COL9A3: variants seen among roughly 807,000 people sequenced by gnomAD.
COL9A3 encodes collagen alpha-3(IX) chain.
Under a neutral mutation model 110.2 loss-of-function variants are expected in COL9A3, and 82 were observed. The ratio of observed to expected loss-of-function variants is 0.74; its 90% CI spans 0.62 to 0.89. COL9A3 has a LOEUF of 0.89. Among genes scored for constraint, COL9A3 ranks in the 40% least tolerant of loss-of-function variants. The pLI, the probability that COL9A3 is intolerant of heterozygous loss-of-function variation, is 0.00. For synonymous variants in COL9A3, 494 were observed against 403.8 expected, an observed-to-expected ratio of 1.22 and a Z score of -2.68; for missense variants, 1,066 against 981.3, an observed-to-expected ratio of 1.09 and a Z score of -1.15.
In COL9A3 at chr20:62,834,442, G is replaced by GT. The variant is rs1406392420; in HGVS notation, c.1368+1379dup. ...TCTGGAGGTAACAAATGGAGCAGTC[G>GT]TGAGTCCGAGGGAAGGACGGCCTTT... On this transcript the variant is annotated intron_variant, in intron 26 of 31. Coordinates refer to ENST00000649368, the MANE Select transcript of COL9A3 (RefSeq NM_001853.4). Among the ~76,000 whole-genome samples the GT allele has an allele frequency of 1.1e-4, 16 of 148,322 alleles. No individual in the cohort carries two copies. In the East Asian group the frequency reaches 2.9e-3, roughly 27 times the overall value.
At chr20:62,817,255 C>T in intron 1 of COL9A3, 113 bp downstream of exon 1, 1 of 785,366 alleles carries the variant, frequency 1.3e-6, no homozygotes, top group Middle Eastern at 4.5e-4. Context: ...CCCGTGTCGC[C>T]GTCGGGGCGC....
rs749870241 is a variant in COL9A3 at position 62,829,636 on chromosome 20, T to G, written c.1062T>G (p.Ala354=). 3.7e-6 allele frequency: 6 copies of G among 1,609,776 alleles called. No individual in the cohort carries two copies. In the South Asian group the frequency reaches 6.6e-5, roughly 18 times the overall value. ...CTCTCCTTCCTCTACAGGGCAGAGCTGGGGAGCTGGGTGAGGCCGGCCCCT... is the reference window on the plus strand; with the variant it reads ...CTCTCCTTCCTCTACAGGGCAGAGCGGGGGAGCTGGGTGAGGCCGGCCCCT... The part of the protein sequence containing the change: ...SKGEKGERGR[A]GELGEAGPSG... The change falls in exon 21 of 32, where the codon GCT becomes GCG. Residue 354 remains alanine, a synonymous_variant. Transcript: ENST00000649368.
At chr20:62,821,923 C>T in intron 8 of COL9A3, 113 bp downstream of exon 8, 1 of 772,490 alleles carries the variant, frequency 1.3e-6, no homozygotes, top group East Asian at 2.7e-5. Context: ...CCCCCAACCC[C>T]ACCTTGGTGG....
At chr20:62,838,852 G>A (rs2063654287) in intron 31 of COL9A3, 91 bp downstream of exon 31, 1 of 1,039,244 alleles carries the variant, frequency 9.6e-7, no homozygotes. Context: ...TTATGAATGG[G>A]TCTCTTTTCC....
intron 2 of COL9A3, 42 bp from the exon 3 acceptor site, chr20:62,818,476 C>A: frequency 6.3e-7 from 1 of 1,590,976 alleles, no homozygotes; most frequent in South Asian, 1.1e-5. Context: ...TCTTGAGGGA[C>A]CCCTGATTTT....
Position 62,840,573 on chromosome 20 carries a change from C to G in COL9A3, c.1896C>G (p.Asp632Glu). 1 of 1,612,606 alleles carries G rather than the reference C, an allele frequency of 6.2e-7. No homozygotes were observed. Among genetic ancestry groups the G allele is most frequent in the Non-Finnish European group, 8.5e-7 (1 of 1,179,856 alleles). The change falls in exon 32 of 32, where the codon GAC becomes GAG. Residue 632 changes from aspartate (D) to glutamate (E), a missense_variant. Coordinates refer to ENST00000649368, the MANE Select transcript of COL9A3 (RefSeq NM_001853.4). ...AAGGCGTGCCCGGCACCAGCAAGGACGGCCAGGACGGTGCTCCCGGCGAGC... is the reference window on the plus strand; with the variant it reads ...AAGGCGTGCCCGGCACCAGCAAGGAGGGCCAGGACGGTGCTCCCGGCGAGC... Reference protein sequence around the residue: ...GPQGVPGTSKDGQDGAPGEPG... With the variant: ...GPQGVPGTSKEGQDGAPGEPG...
chr20:62,816,990 A>C (rs1568745497), upstream of COL9A3: 6 of 849,088 alleles, frequency 7.1e-6, no homozygotes, highest in East Asian at 4.7e-5. Flanking sequence ...GGGAAGGGGA[A>C]GGGGCCGCCC....
At position 62,825,886 on chromosome 20, in the gene COL9A3, G is replaced by C. The variant is rs758057247; in HGVS notation, c.684+16G>C. The C allele has an allele frequency of 1.1e-5, 17 of 1,557,560 alleles. No individual in the cohort carries two copies. The highest frequency in any genetic ancestry group is 1.4e-5 in the Non-Finnish European group (16 of 1,150,540). The stretch of plus-strand genomic sequence containing the variant: ...GGGGCTGCAGGTGAGGCTAGGAAGG[G>C]GTAAGGATGGTGGGATGGGAACTCA... On this transcript the variant is annotated intron_variant, in intron 13 of 31. Transcript: ENST00000649368.
intron 12 of COL9A3, among the ~76,000 whole-genome samples, chr20:62,825,262 A>T (rs1786106112): frequency 6.6e-6 from 1 of 152,232 alleles, no homozygotes; most frequent in South Asian, 2.1e-4. Context: ...TCTTCCAGAC[A>T]GGGCCTGGCT....
chr20:62,816,912 C>G (rs577050099), upstream of COL9A3: 1 of 321,106 alleles, frequency 3.1e-6, no homozygotes, highest in East Asian at 5.9e-5. Context: ...CGGCGCGGGG[C>G]GGGTGGAAGC....
In COL9A3 at chr20:62,840,403, G is replaced by T. The variant is rs1329640990; in HGVS notation, c.1865-139G>T. 21 of 839,130 alleles carry T rather than the reference G, an allele frequency of 2.5e-5. No homozygotes were observed. In the South Asian group the frequency reaches 2.7e-4, roughly 11 times the overall value. 52.0% of individuals were successfully genotyped at this position (839,130 alleles called of 1,614,324 possible). A position where few individuals can be genotyped will look rare whatever the true frequency, so the allele number is the denominator to read the frequency against. Reference sequence around the variant, plus strand: ...GAGAGCCTTTGTGTGCCGTTCCCTCGGCCTCCCCACCCGCTGTGGCCTCTC... The same window carrying T: ...GAGAGCCTTTGTGTGCCGTTCCCTCTGCCTCCCCACCCGCTGTGGCCTCTC... On this transcript the variant is annotated intron_variant, in intron 31 of 31. Coordinates refer to ENST00000649368, the MANE Select transcript of COL9A3 (RefSeq NM_001853.4).
intron 3 of COL9A3, among the ~76,000 whole-genome samples, chr20:62,818,872 T>C (rs1883850): frequency 0.46 from 70,338 of 152,130 alleles, 17,924 homozygotes; most frequent in East Asian, 0.69. Flanking sequence ...CCTTCTTCAG[T>C]TCCAGGGGTT....
At chr20:62,837,288 C>T (rs147169537) in intron 30 of COL9A3, 23 bp downstream of exon 30, 17,548 of 1,604,068 alleles carry the variant, frequency 0.011, 132 homozygotes, top group Non-Finnish European at 0.014. Context: ...CCCCATGACA[C>T]GGTCACCCTG....
Position 62,829,644 on chromosome 20 carries a change from T to G in COL9A3, c.1070T>G (p.Leu357Arg). Reference protein sequence around the residue: ...EKGERGRAGELGEAGPSGEPG... With the variant: ...EKGERGRAGERGEAGPSGEPG... ...CCTCTACAGGGCAGAGCTGGGGAGC[T>G]GGGTGAGGCCGGCCCCTCTGGAGAG... The change falls in exon 21 of 32, where the codon CTG becomes CGG. Residue 357 changes from leucine (L) to arginine (R), a missense_variant. Coordinates refer to ENST00000649368, the MANE Select transcript of COL9A3 (RefSeq NM_001853.4). 2 of 1,609,918 alleles carry G rather than the reference T, an allele frequency of 1.2e-6. No homozygotes were observed. The highest frequency in any genetic ancestry group is 1.7e-6 in the Non-Finnish European group (2 of 1,178,918).
At chr20:62,835,895 C>G (rs2063630896) in intron 26 of COL9A3, 26 bp from the exon 27 acceptor site, 1 of 1,614,128 alleles carries the variant, frequency 6.2e-7, no homozygotes, top group Non-Finnish European at 8.5e-7. Context: ...ACACTTAGTT[C>G]AAACACACAA....
In COL9A3 at chr20:62,837,853, A is replaced by G. The variant is rs61607712; in HGVS notation, c.1786+588A>G. Among the ~76,000 whole-genome samples, 24 of 152,268 alleles carry G rather than the reference A, an allele frequency of 1.6e-4. 1 individual carries two copies. In the East Asian group the frequency reaches 4.6e-3, roughly 29 times the overall value. On this transcript the variant is annotated intron_variant, in intron 30 of 31. Transcript: ENST00000649368. ...GAGGAATGGCCGGGTGCGGTGGCTC[A>G]TGCCTGTAATCCCAGCACGTTGGGA... is the stretch of plus-strand genomic sequence containing the variant.
At chr20:62,829,879 C>A (rs1237116406) in intron 22 of COL9A3, 60 bp downstream of exon 22, 1 of 1,526,844 alleles carries the variant, frequency 6.5e-7, no homozygotes, top group Non-Finnish European at 8.8e-7. Flanking sequence ...GCACATGGCC[C>A]CAGTTTCTGA....
intron 14 of COL9A3, 57 bp downstream of exon 14, chr20:62,826,314 G>T: frequency 6.8e-7 from 1 of 1,477,782 alleles, no homozygotes; most frequent in Non-Finnish European, 9.2e-7. Context: ...CTGGTTGTCT[G>T]CACCTCCAGA....
Position 62,826,803 on chromosome 20 carries a change from G to A in COL9A3, c.775G>A (p.Gly259Arg). 3 of 1,612,832 alleles carry A rather than the reference G, an allele frequency of 1.9e-6. No homozygotes were observed. The highest frequency in any genetic ancestry group is 2.5e-6 in the Non-Finnish European group (3 of 1,179,940). Residue 259 changes from glycine to arginine, a missense_variant, in exon 15 of 32, where the codon GGA (glycine) becomes AGA (arginine). By Grantham distance (125) the Gly-to-Arg change is moderately radical. Transcript: ENST00000649368. ...GTTCCGAGGGCCGCCTGGGATCCCA[G>A]GAGCGCCTGGGAAAGCGGTACGTGT... Reference protein sequence around the residue: ...IGFRGPPGIPGAPGKAGDRGE... With the variant: ...IGFRGPPGIPRAPGKAGDRGE...
Sources: gnomAD v4.1 joint callset for allele counts (sites outside exome capture counted in the v4.1 genomes callset) on GRCh38, gnomAD v4.1.1 for gene constraint, MANE v1.5 for transcripts, NCBI Gene and HGNC (gene_info 2026-07-23, HGNC 2026-07-21) for gene names.